Variants in PDE3B observed in about 807,000 individuals in gnomAD.
PDE3B encodes the protein cGMP-inhibited 3',5'-cyclic phosphodiesterase 3B.
A neutral mutation model predicts 116.8 loss-of-function variants in PDE3B; 66 were observed. The observed-to-expected ratio is 0.56, with a 90% CI of 0.46 to 0.69. PDE3B has a LOEUF of 0.69. Ranked by LOEUF, PDE3B falls within the 30% of genes least tolerant of loss-of-function variation. The pLI is 0.00. For synonymous variants in PDE3B, 595 were observed against 533.6 expected, an observed-to-expected ratio of 1.12 and a Z score of -1.59; for missense variants, 1,384 against 1,368.1, an observed-to-expected ratio of 1.01 and a Z score of -0.18.
At chr11:14,767,340 T>C (rs1055661797) in intron 1 of PDE3B, among the ~76,000 whole-genome samples, 6 of 151,646 alleles carry the variant, frequency 4.0e-5, no homozygotes, top group Admixed American at 4.0e-4. Flanking sequence ...TAGTTGCTAT[T>C]GTATGTGCTA....
At chr11:14,832,305 G>T (rs913812498) in intron 9 of PDE3B, among the ~76,000 whole-genome samples, 1 of 152,098 alleles carries the variant, frequency 6.6e-6, no homozygotes, top group Non-Finnish European at 1.5e-5. Flanking sequence ...ATGCAAAAAC[G>T]TAAGGATAAA....
At position 14,781,666 on chromosome 11, in the gene PDE3B, T is replaced by C. The variant is rs538314715; in HGVS notation, c.1030-4771T>C. Among the ~76,000 whole-genome samples the C allele has an allele frequency of 3.9e-5, 6 of 152,258 alleles. No individual in the cohort carries two copies. In the South Asian group the frequency reaches 1.2e-3, roughly 32 times the overall value. On this transcript the variant is annotated intron_variant, in intron 2 of 15. Transcript: ENST00000282096. Reference sequence around the variant, plus strand: ...GGTATTGATGGGATGTATCTCAAAATAATAAGAGCTATGTATGACAAACCC... The same window carrying C: ...GGTATTGATGGGATGTATCTCAAAACAATAAGAGCTATGTATGACAAACCC...
intron 1 of PDE3B, among the ~76,000 whole-genome samples, chr11:14,659,140 G>A (rs1853810507): frequency 6.6e-6 from 1 of 152,182 alleles, no homozygotes; most frequent in South Asian, 2.1e-4. Context: ...GGTGAAGCTT[G>A]GAAGAATGTT....
chr11:14,719,304 C>T, intron 1 of PDE3B, among the ~76,000 whole-genome samples: 1 of 31,522 alleles, frequency 3.2e-5, no homozygotes, highest in Non-Finnish European at 6.2e-5. Context: ...AAAAAGAGTC[C>T]AGGACCAGAT....
intron 5 of PDE3B, among the ~76,000 whole-genome samples, chr11:14,811,011 G>A (rs1859109436): frequency 6.6e-6 from 1 of 151,742 alleles, no homozygotes. Context: ...TTGTTGATGG[G>A]GTTGTTTGTT....
intron 2 of PDE3B, among the ~76,000 whole-genome samples, chr11:14,783,598 G>T (rs373045638): frequency 1.3e-5 from 2 of 152,050 alleles, no homozygotes; most frequent in Non-Finnish European, 2.9e-5. Flanking sequence ...ATCACACACC[G>T]GGGCTTGTAG....
intron 5 of PDE3B, among the ~76,000 whole-genome samples, chr11:14,817,024 C>G (rs991777086): frequency 6.6e-6 from 1 of 152,162 alleles, no homozygotes; most frequent in African/African-American, 2.4e-5. Context: ...GTAGCAAAGA[C>G]TTGGAACCAA....
At chr11:14,665,570 T>G (rs1303352218) in intron 1 of PDE3B, among the ~76,000 whole-genome samples, 1 of 152,168 alleles carries the variant, frequency 6.6e-6, no homozygotes, top group Non-Finnish European at 1.5e-5. Context: ...TTCAGCAAAG[T>G]CTCAGGATAC....
chr11:14,711,962 GTAGTACAAATAATT>G (rs1338472206), intron 1 of PDE3B, among the ~76,000 whole-genome samples: 13 of 152,206 alleles, frequency 8.5e-5, no homozygotes, highest in African/African-American at 3.1e-4. Context: ...AATACCTAAA[GTAGTACAAATAATT>G]TGTTATGGCC....
At chr11:14,769,739 A>T (rs1174156656) in intron 1 of PDE3B, among the ~76,000 whole-genome samples, 1 of 148,676 alleles carries the variant, frequency 6.7e-6, no homozygotes, top group African/African-American at 2.5e-5. Context: ...GATGTACAGT[A>T]TATCTGTTTG....
Position 14,652,100 on chromosome 11 carries a change from A to G in PDE3B, c.978+7047A>G, listed in dbSNP as rs1373090888. 2.0e-5 allele frequency among the ~76,000 whole-genome samples: 3 copies of G among 152,206 alleles called. 1 individual carries two copies. In the Middle Eastern group the frequency reaches 0.01, roughly 518 times the overall value. The stretch of plus-strand genomic sequence containing the variant: ...GAGTTTTATAAAAGTTTTAGTTCTA[A>G]TATTTAGGTCTTTGATTCATTTTGA... On this transcript the variant is annotated intron_variant, in intron 1 of 15. Coordinates refer to ENST00000282096, the MANE Select transcript of PDE3B (RefSeq NM_000922.4).
At chr11:14,778,243 G>C (rs544151090) in intron 2 of PDE3B, among the ~76,000 whole-genome samples, 1 of 152,264 alleles carries the variant, frequency 6.6e-6, no homozygotes, top group East Asian at 1.9e-4. Context: ...CTGGGGGCAG[G>C]GCATAGCTGA....
At chr11:14,804,634 A>G (rs572941725) in intron 5 of PDE3B, among the ~76,000 whole-genome samples, 1 of 152,284 alleles carries the variant, frequency 6.6e-6, no homozygotes, top group South Asian at 2.1e-4. Context: ...AAATTCTTTT[A>G]TACACAATAA....
At chr11:14,805,735 T>C (rs900296165) in intron 5 of PDE3B, among the ~76,000 whole-genome samples, 9 of 152,148 alleles carry the variant, frequency 5.9e-5, no homozygotes, top group African/African-American at 1.9e-4. Context: ...TTATCCAGAT[T>C]GAAGCATGGA....
Position 14,859,122 on chromosome 11 carries a change from A to G in PDE3B, c.2600A>G (p.Glu867Gly). The change falls in exon 13 of 16, where the codon GAA becomes GGA. Residue 867 changes from glutamate (E) to glycine (G), a missense_variant. By Grantham distance (98) the Glu-to-Gly change is moderately conservative (BLOSUM62 -2). Coordinates refer to ENST00000282096, the MANE Select transcript of PDE3B (RefSeq NM_000922.4). ...SAWNLYLSRP[E>G]YNFLLHLDHV... ...TGGAATCTATATCTTTCTCGCCCAG[A>G]ATACAACTTCCTTCTTCATCTTGAT... 6.2e-7 allele frequency: 1 copy of G among 1,613,570 alleles called. No homozygotes were observed. Among genetic ancestry groups the G allele is most frequent in the Non-Finnish European group, 8.5e-7 (1 of 1,179,594 alleles).
chr11:14,661,077 A>G (rs994846343), intron 1 of PDE3B, among the ~76,000 whole-genome samples: 4 of 152,186 alleles, frequency 2.6e-5, no homozygotes, highest in South Asian at 2.1e-4. Flanking sequence ...TGGTGGGACT[A>G]TAAGTAGTTC....
intron 1 of PDE3B, among the ~76,000 whole-genome samples, chr11:14,665,464 G>A (rs1398671987): frequency 6.6e-6 from 1 of 152,196 alleles, no homozygotes; most frequent in African/African-American, 2.4e-5. Flanking sequence ...ATTAGGAAAA[G>A]AGGAAGTCAA....
At chr11:14,811,498 AGGGCTCTGTTTTGGTAC>A (rs2133942875) in intron 5 of PDE3B, among the ~76,000 whole-genome samples, 1 of 152,144 alleles carries the variant, frequency 6.6e-6, no homozygotes, top group Admixed American at 6.5e-5. Context: ...GTGATTTCTG[AGGGCTCTGTTTTGGTAC>A]CAGTACCATG....
At chr11:14,877,603 A>G in the PDE3B span, 2 of 152,650 alleles carry the variant, frequency 1.3e-5, no homozygotes, top group African/African-American at 4.8e-5. Context: ...GCTCTACATT[A>G]AATACATATT....
Sources: gnomAD v4.1 joint callset for allele counts (sites outside exome capture counted in the v4.1 genomes callset) on GRCh38, gnomAD v4.1.1 for gene constraint, MANE v1.5 for transcripts, NCBI Gene and HGNC (gene_info 2026-07-23, HGNC 2026-07-21) for gene names.